The following RANBP2 variants were observed in gnomAD, a reference collection of about 807,000 sequenced individuals.
The protein encoded by RANBP2 is E3 SUMO-protein ligase RanBP2.
RANBP2 carries 57 observed loss-of-function variants against 303.6 expected under a neutral mutation model. The observed-to-expected ratio is 0.19, with a 90% confidence interval of 0.15 to 0.23. The LOEUF is 0.23. Among genes scored for constraint, RANBP2 ranks in the 10% least tolerant of loss-of-function variants. The pLI is 1.00. For missense variants in RANBP2, 3,138 were observed against 3,780.8 expected (o/e 0.83, Z 4.46); for synonymous variants, 1,167 against 1,301.5 (o/e 0.90, Z 2.23).
the RANBP2 span, among the ~76,000 whole-genome samples, chr2:109,407,978 TC>T: frequency 2.0e-5 from 3 of 152,274 alleles, no homozygotes; most frequent in South Asian, 2.1e-4. Context: ...AGGAACCAGA[TC>T]CACGGGTTTC....
the RANBP2 span, among the ~76,000 whole-genome samples, chr2:109,398,361 A>G: frequency 1.3e-5 from 2 of 152,038 alleles, no homozygotes; most frequent in Non-Finnish European, 2.9e-5. Context: ...TTCTTTCTCT[A>G]TGAGTCCCCT....
At chr2:109,136,450 A>G in the RANBP2 span, among the ~76,000 whole-genome samples, 3 of 152,236 alleles carry the variant, frequency 2.0e-5, no homozygotes, top group African/African-American at 7.2e-5. Context: ...AATGGTTTAC[A>G]GATCATGCAG....
chr2:109,334,876 C>T, the RANBP2 span, among the ~76,000 whole-genome samples: 1 of 152,188 alleles, frequency 6.6e-6, no homozygotes, highest in African/African-American at 2.4e-5. Flanking sequence ...ATTTGTGGAA[C>T]CCAGTGTTTT....
At chr2:109,294,591 A>G in the RANBP2 span, among the ~76,000 whole-genome samples, 1 of 50,550 alleles carries the variant, frequency 2.0e-5, no homozygotes, top group Admixed American at 1.9e-4. Context: ...AAAAAAGGTA[A>G]AAAAAAAAAA....
chr2:109,494,240 C>G, the RANBP2 span, among the ~76,000 whole-genome samples: 4 of 152,212 alleles, frequency 2.6e-5, no homozygotes, highest in Non-Finnish European at 5.9e-5. Flanking sequence ...GAGACTCACT[C>G]CCGTTCTCTG....
chr2:109,100,559 C>G, the RANBP2 span, among the ~76,000 whole-genome samples: 1 of 152,156 alleles, frequency 6.6e-6, no homozygotes, highest in South Asian at 2.1e-4. Flanking sequence ...AACAGGGGCT[C>G]TACCCCAGAA....
At chr2:109,062,383 C>T in the RANBP2 span, among the ~76,000 whole-genome samples, 4 of 152,184 alleles carry the variant, frequency 2.6e-5, no homozygotes, top group African/African-American at 9.6e-5. Context: ...GAGACACACC[C>T]TGGGCCCCTT....
the RANBP2 span, among the ~76,000 whole-genome samples, chr2:109,517,221 CCT>C: frequency 6.6e-6 from 1 of 152,164 alleles, no homozygotes; most frequent in African/African-American, 2.4e-5. Flanking sequence ...GCTGTCCTCC[CCT>C]GTTGCCAGCA....
At chr2:109,525,707 G>A in the RANBP2 span, among the ~76,000 whole-genome samples, 2 of 152,172 alleles carry the variant, frequency 1.3e-5, no homozygotes, top group Non-Finnish European at 2.9e-5. Context: ...TGCCAGAGAG[G>A]AGGCTCTCAG....
At chr2:108,739,980 T>A in intron 6 of RANBP2, among the ~76,000 whole-genome samples, 1 of 149,830 alleles carries the variant, frequency 6.7e-6, no homozygotes, top group Non-Finnish European at 1.5e-5. Context: ...AGTGAGAGAC[T>A]CCGTCTCAAA....
the RANBP2 span, among the ~76,000 whole-genome samples, chr2:108,881,450 G>A: frequency 2.6e-5 from 4 of 152,224 alleles, no homozygotes; most frequent in African/African-American, 9.6e-5. Flanking sequence ...TAAGGCTGCT[G>A]TGTTTTCTTA....
At chr2:109,738,892 T>G in the RANBP2 span, among the ~76,000 whole-genome samples, 1 of 150,832 alleles carries the variant, frequency 6.6e-6, no homozygotes, top group Non-Finnish European at 1.5e-5. Flanking sequence ...TTTAAGGTCT[T>G]AAATTTAAGT....
chr2:109,645,698 CCT>C, the RANBP2 span, among the ~76,000 whole-genome samples: 1 of 152,154 alleles, frequency 6.6e-6, no homozygotes. Context: ...TGTGGACAAA[CCT>C]CTTTCTGCCT....
the RANBP2 span, among the ~76,000 whole-genome samples, chr2:109,007,896 CTGTT>C: frequency 6.6e-6 from 1 of 151,768 alleles, no homozygotes; most frequent in Non-Finnish European, 1.5e-5. Flanking sequence ...AAATCTAAAC[CTGTT>C]AGCAGCTTGC....
chr2:108,955,481 C>T, the RANBP2 span, among the ~76,000 whole-genome samples: 1 of 152,152 alleles, frequency 6.6e-6, no homozygotes, highest in Admixed American at 6.5e-5. Flanking sequence ...GGTGCAGTGG[C>T]TCACACCTGT....
At chr2:109,023,000 G>A in the RANBP2 span, among the ~76,000 whole-genome samples, 2 of 151,972 alleles carry the variant, frequency 1.3e-5, no homozygotes, top group Admixed American at 6.6e-5. Flanking sequence ...GCAGTGAGCC[G>A]AGATCATGCC....
At chr2:109,576,893 CAG>C in the RANBP2 span, among the ~76,000 whole-genome samples, 1 of 151,734 alleles carries the variant, frequency 6.6e-6, no homozygotes, top group East Asian at 1.9e-4. Flanking sequence ...AGGAAAAAAA[CAG>C]AAAAGAGGGC....
At chr2:108,805,033 G>T in the RANBP2 span, 1 of 1,265,198 alleles carries the variant, frequency 7.9e-7, no homozygotes, top group South Asian at 1.9e-5. Flanking sequence ...AATATATACT[G>T]AACATAAGAC....
chr2:109,684,629 G>A, the RANBP2 span, among the ~76,000 whole-genome samples: 6 of 151,058 alleles, frequency 4.0e-5, no homozygotes, highest in East Asian at 4.0e-4. Flanking sequence ...TGTCTCCCGG[G>A]TTCCAGTGAT....
Sources: gnomAD v4.1 joint callset for allele counts (sites outside exome capture counted in the v4.1 genomes callset) on GRCh38, gnomAD v4.1.1 for gene constraint, MANE v1.5 for transcripts, NCBI Gene and HGNC (gene_info 2026-07-23, HGNC 2026-07-21) for gene names.